Variants in KITLG observed in about 807,000 individuals in gnomAD.
The protein encoded by KITLG is c-Kit ligand.
A neutral mutation model predicts 34.1 loss-of-function variants in KITLG; 13 were observed. The observed-to-expected ratio is 0.38, with a 90% CI of 0.25 to 0.61. The LOEUF is 0.61. KITLG is among the 20% of genes least tolerant of loss of function. The pLI, the probability that KITLG is intolerant of heterozygous loss-of-function variation, is 0.60. For synonymous variants in KITLG, 110 were observed against 104.0 expected, an observed-to-expected ratio of 1.06 and a Z score of -0.35; for missense variants, 292 against 318.9, an observed-to-expected ratio of 0.92 and a Z score of 0.64.
At position 88,544,528 on chromosome 12, in the gene KITLG, TC is replaced by T. The variant is rs970958512; in HGVS notation, c.129+1223del. 6.0e-5 allele frequency among the ~76,000 whole-genome samples: 9 copies of T among 150,140 alleles called. No homozygotes were observed. The South Asian group carries it at 1.9e-3, about 32-fold the overall frequency. ...TATGTTTTTAAAAAAAAAAAAGTAC[TC>T]CCCCCTCACCCCCATCCCTATACAC... On this transcript the variant is annotated intron_variant, in intron 2 of 9. Transcript: ENST00000644744.
At chr12:88,569,022 C>T (rs1871552782) in intron 1 of KITLG, among the ~76,000 whole-genome samples, 1 of 152,122 alleles carries the variant, frequency 6.6e-6, no homozygotes, top group Non-Finnish European at 1.5e-5. Flanking sequence ...ATGTTCTTTC[C>T]ATTTTCTTTT....
At chr12:88,558,908 G>C (rs940354299) in intron 1 of KITLG, among the ~76,000 whole-genome samples, 1 of 152,122 alleles carries the variant, frequency 6.6e-6, no homozygotes, top group Non-Finnish European at 1.5e-5. Context: ...CATACTAGGT[G>C]CTCTTGATTT....
intron 1 of KITLG, among the ~76,000 whole-genome samples, chr12:88,550,630 G>T (rs981620616): frequency 6.6e-6 from 1 of 152,138 alleles, no homozygotes; most frequent in African/African-American, 2.4e-5. Flanking sequence ...GTACAGGGAG[G>T]TTTGGTGACT....
At chr12:88,533,944 C>T (rs1171969032) in intron 2 of KITLG, among the ~76,000 whole-genome samples, 3 of 152,162 alleles carry the variant, frequency 2.0e-5, no homozygotes, top group Non-Finnish European at 2.9e-5. Context: ...ACCTGACACT[C>T]ATTTCAGCTC....
chr12:88,504,016 T>C (rs1280733760), intron 9 of KITLG, among the ~76,000 whole-genome samples: 1 of 152,188 alleles, frequency 6.6e-6, no homozygotes, highest in East Asian at 1.9e-4. Context: ...ATTTTTATTC[T>C]ATTAGTAATA....
intron 1 of KITLG, among the ~76,000 whole-genome samples, chr12:88,559,417 TA>T (rs1251748477): frequency 1.3e-5 from 2 of 152,194 alleles, no homozygotes; most frequent in Non-Finnish European, 2.9e-5. Context: ...GCAACATATT[TA>T]CAGACTGTAG....
intron 1 of KITLG, among the ~76,000 whole-genome samples, chr12:88,564,746 A>AG (rs1427668764): frequency 6.6e-6 from 1 of 151,964 alleles, no homozygotes; most frequent in Non-Finnish European, 1.5e-5. Context: ...CCTGATTAAA[A>AG]AAAAAAGGAA....
At chr12:88,565,693 G>A (rs1386196365) in intron 1 of KITLG, among the ~76,000 whole-genome samples, 1 of 152,122 alleles carries the variant, frequency 6.6e-6, no homozygotes, top group Non-Finnish European at 1.5e-5. Context: ...CTAATACTAA[G>A]CAAGAAATTA....
chr12:88,577,399 A>G (rs866978962), intron 1 of KITLG, among the ~76,000 whole-genome samples: 1 of 152,124 alleles, frequency 6.6e-6, no homozygotes. Context: ...ACCATCCCCA[A>G]ACTAAAATGT....
At chr12:88,535,407 C>A (rs1870273850) in intron 2 of KITLG, among the ~76,000 whole-genome samples, 1 of 152,146 alleles carries the variant, frequency 6.6e-6, no homozygotes, top group South Asian at 2.1e-4. Context: ...TCTACCACAA[C>A]CCCATGAGAG....
chr12:88,502,016 T>C (rs1868880709), intron 9 of KITLG, among the ~76,000 whole-genome samples: 1 of 152,154 alleles, frequency 6.6e-6, no homozygotes, highest in Non-Finnish European at 1.5e-5. Flanking sequence ...TCATATGAAA[T>C]CTATTTAGAG....
chr12:88,531,127 T>C (rs1870068136), intron 3 of KITLG, among the ~76,000 whole-genome samples: 1 of 152,202 alleles, frequency 6.6e-6, no homozygotes, highest in South Asian at 2.1e-4. Flanking sequence ...ATAAGCGAAC[T>C]TCAAAGTATA....
chr12:88,522,870 T>C (rs1869726048), intron 3 of KITLG, among the ~76,000 whole-genome samples: 1 of 152,198 alleles, frequency 6.6e-6, no homozygotes, highest in Non-Finnish European at 1.5e-5. Context: ...GATATCTATG[T>C]TCTTTCTTAT....
intron 9 of KITLG, among the ~76,000 whole-genome samples, 172 bp downstream of exon 9, chr12:88,504,987 G>T: frequency 7.7e-6 from 1 of 130,490 alleles, no homozygotes; most frequent in African/African-American, 2.8e-5. Context: ...GGGGGAGGGG[G>T]AAGGGATAGC....
Position 88,539,545 on chromosome 12 carries a change from C to T in KITLG, c.129+6207G>A, listed in dbSNP as rs910289537. On this transcript the variant is annotated intron_variant, in intron 2 of 9. Transcript: ENST00000644744. ...AAAAATTATCTACCACTAATATTGA[C>T]TAAAAATCTAACCAACCAGGTGTAT... 1.5e-4 allele frequency among the ~76,000 whole-genome samples: 23 copies of T among 152,172 alleles called. 1 individual carries two copies. Among genetic ancestry groups the T allele is most frequent in the Middle Eastern group, 6.8e-3 (2 of 294 alleles).
chr12:88,525,315 G>A (rs1869825364), intron 3 of KITLG, among the ~76,000 whole-genome samples: 1 of 152,008 alleles, frequency 6.6e-6, no homozygotes, highest in African/African-American at 2.4e-5. Context: ...TATAATAATG[G>A]GACTTTTACT....
intron 4 of KITLG, among the ~76,000 whole-genome samples, chr12:88,517,319 A>T (rs1402610547): frequency 1.3e-5 from 2 of 152,098 alleles, no homozygotes; most frequent in African/African-American, 2.4e-5. Context: ...AATCAAAGCT[A>T]TGTTGTAGGG....
intron 6 of KITLG, among the ~76,000 whole-genome samples, chr12:88,511,764 C>T (rs1869285316): frequency 6.6e-6 from 1 of 152,104 alleles, no homozygotes; most frequent in East Asian, 1.9e-4. Flanking sequence ...ATTATTAAGA[C>T]AAGCAATATT....
chr12:88,513,767 A>G (rs1360010320), intron 6 of KITLG, among the ~76,000 whole-genome samples: 2 of 151,676 alleles, frequency 1.3e-5, no homozygotes, highest in Non-Finnish European at 3.0e-5. Flanking sequence ...AAATATATGA[A>G]GCAAAAAACC....
Sources: gnomAD v4.1 joint callset for allele counts (sites outside exome capture counted in the v4.1 genomes callset) on GRCh38, gnomAD v4.1.1 for gene constraint, MANE v1.5 for transcripts, NCBI Gene and HGNC (gene_info 2026-07-23, HGNC 2026-07-21) for gene names.